Variants in ARL15 observed in about 807,000 individuals in gnomAD.
ARL15 encodes the protein ADP-ribosylation factor-like protein 15.
A neutral mutation model predicts 25.2 loss-of-function variants in ARL15; 19 were observed. The ratio of observed to expected loss-of-function variants is 0.75; its 90% CI spans 0.53 to 1.10. The LOEUF is 1.10. ARL15 is among the 50% of genes least tolerant of loss of function. The pLI, the probability that ARL15 is intolerant of heterozygous loss-of-function variation, is 0.00. For missense variants in ARL15, 220 were observed against 246.0 expected, an observed-to-expected ratio of 0.89 and a Z score of 0.71; for synonymous variants, 94 against 86.8, an observed-to-expected ratio of 1.08 and a Z score of -0.46.
chr5:54,140,002 G>T (rs543037390), intron 3 of ARL15, among the ~76,000 whole-genome samples: 3 of 152,070 alleles, frequency 2.0e-5, no homozygotes, highest in African/African-American at 7.2e-5. Context: ...AGATAATTTC[G>T]CCCTACAACT....
At chr5:54,291,574 A>C (rs1398522470) in intron 1 of ARL15, among the ~76,000 whole-genome samples, 1 of 152,228 alleles carries the variant, frequency 6.6e-6, no homozygotes, top group Non-Finnish European at 1.5e-5. Context: ...TACTAAAGCT[A>C]CTAACTCTAC....
At chr5:54,175,918 C>T (rs940486022) in intron 1 of ARL15, among the ~76,000 whole-genome samples, 2 of 152,178 alleles carry the variant, frequency 1.3e-5, no homozygotes, top group Admixed American at 6.5e-5. Flanking sequence ...GCCCAAAGTG[C>T]TGAGATTACA....
chr5:54,111,026 T>C (rs1752724094), intron 4 of ARL15, among the ~76,000 whole-genome samples: 1 of 152,014 alleles, frequency 6.6e-6, no homozygotes, highest in Admixed American at 6.6e-5. Flanking sequence ...AGTATAACCA[T>C]GTCACTGTGC....
At chr5:54,138,930 T>C (rs1753685889) in intron 3 of ARL15, among the ~76,000 whole-genome samples, 1 of 152,190 alleles carries the variant, frequency 6.6e-6, no homozygotes, top group Non-Finnish European at 1.5e-5. Context: ...CCAATATCAG[T>C]AATCATCAGG....
chr5:54,051,883 C>A (rs1750710704), intron 4 of ARL15, among the ~76,000 whole-genome samples: 1 of 152,090 alleles, frequency 6.6e-6, no homozygotes, highest in African/African-American at 2.4e-5. Flanking sequence ...AAACTAGAAG[C>A]AATCAAGATG....
intron 4 of ARL15, among the ~76,000 whole-genome samples, chr5:53,981,777 T>C (rs537110066): frequency 1.3e-5 from 2 of 151,776 alleles, no homozygotes; most frequent in South Asian, 2.1e-4. Context: ...TGCATGCCCA[T>C]AATCCCAGTT....
At chr5:54,101,638 T>A (rs1752441706) in intron 4 of ARL15, among the ~76,000 whole-genome samples, 1 of 152,006 alleles carries the variant, frequency 6.6e-6, no homozygotes, top group African/African-American at 2.4e-5. Context: ...GCTTCTCTGG[T>A]AAAGAAAAAA....
At chr5:53,889,177 T>A (rs1744636299) in intron 4 of ARL15, among the ~76,000 whole-genome samples, 1 of 152,094 alleles carries the variant, frequency 6.6e-6, no homozygotes, top group Non-Finnish European at 1.5e-5. Context: ...TTAACAATAC[T>A]TCCTCTGGGT....
At chr5:54,074,744 T>C (rs1751540218) in intron 4 of ARL15, among the ~76,000 whole-genome samples, 1 of 152,146 alleles carries the variant, frequency 6.6e-6, no homozygotes, top group Non-Finnish European at 1.5e-5. Flanking sequence ...ATTTCCTTCT[T>C]AATTTTGATA....
At chr5:54,042,306 C>T (rs1047004438) in intron 4 of ARL15, among the ~76,000 whole-genome samples, 3 of 152,102 alleles carry the variant, frequency 2.0e-5, no homozygotes, top group African/African-American at 7.2e-5. Flanking sequence ...TTAGGGCTAC[C>T]ATAAAATAAA....
At chr5:54,043,239 G>A (rs1658315276) in intron 4 of ARL15, among the ~76,000 whole-genome samples, 1 of 151,352 alleles carries the variant, frequency 6.6e-6, no homozygotes, top group Non-Finnish European at 1.5e-5. Flanking sequence ...ATTAAAAATA[G>A]TATTAAACAA....
At chr5:54,260,177 A>G (rs1202583551) in intron 1 of ARL15, among the ~76,000 whole-genome samples, 1 of 152,106 alleles carries the variant, frequency 6.6e-6, no homozygotes. Context: ...GCCACTCTGG[A>G]ATGCACATCC....
intron 4 of ARL15, among the ~76,000 whole-genome samples, chr5:53,903,773 T>C (rs1356395126): frequency 2.0e-5 from 3 of 152,110 alleles, no homozygotes; most frequent in African/African-American, 7.2e-5. Flanking sequence ...CAACAGATCT[T>C]GGGGGGCCAA....
intron 4 of ARL15, among the ~76,000 whole-genome samples, chr5:54,071,306 A>G (rs563285875): frequency 3.3e-5 from 5 of 152,334 alleles, no homozygotes; most frequent in African/African-American, 1.2e-4. Context: ...ATATACCAAT[A>G]AATAAATGTT....
At chr5:53,975,720 G>C (rs948184900) in intron 4 of ARL15, among the ~76,000 whole-genome samples, 1 of 152,172 alleles carries the variant, frequency 6.6e-6, no homozygotes, top group South Asian at 2.1e-4. Flanking sequence ...ATTCTTCTGG[G>C]GAAGGACCAA....
At chr5:54,241,262 A>G (rs1299648404) in intron 1 of ARL15, among the ~76,000 whole-genome samples, 2 of 152,150 alleles carry the variant, frequency 1.3e-5, no homozygotes. Flanking sequence ...AGATTACCTA[A>G]AAAAACCTAA....
chr5:54,175,092 A>G (rs371540489), intron 1 of ARL15, among the ~76,000 whole-genome samples: 2 of 152,258 alleles, frequency 1.3e-5, no homozygotes, highest in South Asian at 4.1e-4. Context: ...CTGTATGTGA[A>G]TGATTGCTAG....
chr5:54,289,050 G>A (rs942644702), intron 1 of ARL15, among the ~76,000 whole-genome samples: 5 of 152,160 alleles, frequency 3.3e-5, no homozygotes, highest in Admixed American at 2.6e-4. Flanking sequence ...GAAGAACTCA[G>A]CCCAGGCATT....
At chr5:53,959,963 G>C (rs1747307781) in intron 4 of ARL15, among the ~76,000 whole-genome samples, 1 of 152,058 alleles carries the variant, frequency 6.6e-6, no homozygotes, top group African/African-American at 2.4e-5. Context: ...TGTTGTGCCT[G>C]GAGCAGTGTC....
Sources: gnomAD v4.1 joint callset for allele counts (sites outside exome capture counted in the v4.1 genomes callset) on GRCh38, gnomAD v4.1.1 for gene constraint, MANE v1.5 for transcripts, NCBI Gene and HGNC (gene_info 2026-07-23, HGNC 2026-07-21) for gene names.